The following RIMS2 variants were observed in gnomAD, a reference collection of about 807,000 sequenced individuals.
RIMS2 encodes the protein regulating synaptic membrane exocytosis protein 2.
Under a neutral mutation model 174.4 loss-of-function variants are expected in RIMS2, and 59 were observed. The ratio of observed to expected loss-of-function variants is 0.34; its 90% CI spans 0.27 to 0.42. RIMS2 has a LOEUF of 0.42. RIMS2 is among the 10% of genes least tolerant of loss of function. The pLI is 1.00. For synonymous variants in RIMS2, 606 were observed against 572.5 expected (o/e 1.06, Z -0.84); for missense variants, 1,620 against 1,666.3 (o/e 0.97, Z 0.48).
At chr8:104,195,664 G>A (rs1021105763) in intron 19 of RIMS2, among the ~76,000 whole-genome samples, 10 of 152,036 alleles carry the variant, frequency 6.6e-5, no homozygotes, top group Middle Eastern at 3.4e-3. Context: ...ACAGGCACAC[G>A]TCGCCATGCC....
At chr8:103,805,210 G>A (rs2098642285) in intron 3 of RIMS2, among the ~76,000 whole-genome samples, 1 of 151,998 alleles carries the variant, frequency 6.6e-6, no homozygotes, top group Admixed American at 6.6e-5. Flanking sequence ...AATTTTGTGT[G>A]ACCTTTTTTA....
chr8:103,906,741 A>G (rs1308972468), intron 4 of RIMS2, among the ~76,000 whole-genome samples: 1 of 140,958 alleles, frequency 7.1e-6, no homozygotes. Flanking sequence ...TTTTATTTAC[A>G]GGCTTCAGGC....
rs113500862 is a variant in RIMS2 at position 103,537,084 on chromosome 8, C to A, written c.176+36022C>A. ...AAGAAGACATGGTTTTTGTCCTAATCTCTATTAAGTCTCAGTTTCTCACCC... is the reference window on the plus strand; with the variant it reads ...AAGAAGACATGGTTTTTGTCCTAATATCTATTAAGTCTCAGTTTCTCACCC... On this transcript the variant is annotated intron_variant, in intron 1 of 23. Transcript: ENST00000504942. Among the ~76,000 whole-genome samples the A allele has an allele frequency of 7.5e-3, 1,139 of 152,314 alleles. 20 individuals carry two copies. The highest frequency in any genetic ancestry group is 7.3e-3 in the Non-Finnish European group (495 of 68,026).
intron 3 of RIMS2, chr8:103,768,629 G>A (rs1353626275): frequency 1.0e-6 from 1 of 991,436 alleles, no homozygotes; most frequent in Non-Finnish European, 1.6e-6. Flanking sequence ...GTAAAAAAAG[G>A]AGATAAAAAT....
At chr8:104,210,746 T>C (rs1212824381) in intron 19 of RIMS2, among the ~76,000 whole-genome samples, 1 of 152,218 alleles carries the variant, frequency 6.6e-6, no homozygotes. Flanking sequence ...GCTGCTCATT[T>C]CTTTTTCTAA....
At chr8:103,741,413 T>G (rs528248838) in intron 2 of RIMS2, among the ~76,000 whole-genome samples, 4 of 152,240 alleles carry the variant, frequency 2.6e-5, no homozygotes, top group African/African-American at 9.6e-5. Context: ...GTGAACAAAA[T>G]TATAGTAATC....
intron 20 of RIMS2, 84 bp downstream of exon 26, chr8:104,245,141 T>G (rs1352007446): frequency 7.3e-7 from 1 of 1,372,142 alleles, no homozygotes; most frequent in Non-Finnish European, 1.0e-6. Flanking sequence ...TTTCCAACTC[T>G]CATGCTCTTC....
At chr8:103,885,150 A>G (rs761807288) in intron 3 of RIMS2, 148 bp from the exon 7 acceptor site, 1 of 1,183,422 alleles carries the variant, frequency 8.5e-7, no homozygotes, top group Non-Finnish European at 1.1e-6. Context: ...GAATACTACT[A>G]AAACCATTGT....
chr8:103,829,885 T>A (rs905860680), intron 3 of RIMS2, among the ~76,000 whole-genome samples: 1 of 152,172 alleles, frequency 6.6e-6, no homozygotes, highest in Non-Finnish European at 1.5e-5. Flanking sequence ...AACACTATGA[T>A]GATGAAAAAT....
At chr8:104,002,131 G>T (rs981295183) in intron 17 of RIMS2, among the ~76,000 whole-genome samples, 1 of 152,024 alleles carries the variant, frequency 6.6e-6, no homozygotes, top group African/African-American at 2.4e-5. Context: ...AATTGTTCTA[G>T]CTCTAAAATC....
intron 4 of RIMS2, among the ~76,000 whole-genome samples, chr8:103,909,916 A>C (rs2075314080): frequency 6.6e-6 from 1 of 151,748 alleles, no homozygotes. Flanking sequence ...CTAGAGATAT[A>C]AACTTTATAT....
At chr8:103,623,181 G>A (rs1276643477) in intron 1 of RIMS2, among the ~76,000 whole-genome samples, 1 of 152,156 alleles carries the variant, frequency 6.6e-6, no homozygotes, top group Non-Finnish European at 1.5e-5. Context: ...TCTGAGTCAA[G>A]CAGACTGAGG....
intron 1 of RIMS2, among the ~76,000 whole-genome samples, chr8:103,601,257 A>C (rs2094723425): frequency 6.6e-6 from 1 of 152,090 alleles, no homozygotes; most frequent in Admixed American, 6.5e-5. Flanking sequence ...GCCCATGCTT[A>C]TGGTGCATTG....
intron 1 of RIMS2, among the ~76,000 whole-genome samples, chr8:103,619,341 G>C (rs2095581396): frequency 6.6e-6 from 1 of 151,958 alleles, no homozygotes; most frequent in Non-Finnish European, 1.5e-5. Context: ...GTGGTTGAGG[G>C]AGAGTAGTTG....
At chr8:104,103,278 G>A (rs1371770699) in intron 19 of RIMS2, among the ~76,000 whole-genome samples, 1 of 152,056 alleles carries the variant, frequency 6.6e-6, no homozygotes, top group Non-Finnish European at 1.5e-5. Context: ...TCATTTTTGG[G>A]GTGATGAAAT....
At chr8:104,143,438 A>C (rs2133710496) in intron 19 of RIMS2, among the ~76,000 whole-genome samples, 1 of 152,284 alleles carries the variant, frequency 6.6e-6, no homozygotes, top group Non-Finnish European at 1.5e-5. Context: ...GCACTTTAAA[A>C]CCCAGACATT....
At chr8:103,975,293 G>C (rs905693339) in intron 15 of RIMS2, 57 bp from the exon 18 acceptor site, 10 of 1,193,858 alleles carry the variant, frequency 8.4e-6, no homozygotes, top group Non-Finnish European at 1.2e-5. Flanking sequence ...AAGTAGAAGA[G>C]ACGCAAAGGA....
chr8:104,099,136 G>T (rs1457551554), intron 19 of RIMS2, among the ~76,000 whole-genome samples: 4 of 152,164 alleles, frequency 2.6e-5, no homozygotes, highest in Non-Finnish European at 5.9e-5. Context: ...TGAGGTAATT[G>T]GTTCTGTGAC....
chr8:103,596,528 T>C (rs1340282953), intron 1 of RIMS2, among the ~76,000 whole-genome samples: 1 of 152,090 alleles, frequency 6.6e-6, no homozygotes, highest in Non-Finnish European at 1.5e-5. Context: ...TATCTTTGTG[T>C]TGGAAACATT....
Sources: gnomAD v4.1 joint callset for allele counts (sites outside exome capture counted in the v4.1 genomes callset) on GRCh38, gnomAD v4.1.1 for gene constraint, MANE v1.5 for transcripts, NCBI Gene and HGNC (gene_info 2026-07-23, HGNC 2026-07-21) for gene names.